RUNX2: variants seen among roughly 807,000 people sequenced by gnomAD.
The protein encoded by RUNX2 is runt-related transcription factor 2.
In RUNX2, 10 loss-of-function variants were observed where a neutral mutation model predicts 51.7. That is an observed-to-expected ratio of 0.19 (90% CI 0.12 to 0.33). The LOEUF (loss-of-function observed/expected upper bound fraction) is 0.33. Ranked by LOEUF, RUNX2 falls within the 10% of genes least tolerant of loss-of-function variation. The pLI is 1.00. For missense variants in RUNX2, 562 were observed against 691.3 expected (o/e 0.81, Z 2.10); for synonymous variants, 276 against 273.6 (o/e 1.01, Z -0.09).
intron 2 of RUNX2, among the ~76,000 whole-genome samples, chr6:45,364,415 A>T (rs1356450598): frequency 6.6e-6 from 1 of 152,200 alleles, no homozygotes; most frequent in African/African-American, 2.4e-5. Context: ...AACCTTCAAC[A>T]GATATATTCT....
At chr6:45,446,281 CA>C (rs2150377218) in intron 5 of RUNX2, among the ~76,000 whole-genome samples, 2 of 152,296 alleles carry the variant, frequency 1.3e-5, no homozygotes, top group African/African-American at 4.8e-5. Flanking sequence ...GCACAGTTTC[CA>C]CATGCATATG....
At chr6:45,536,534 G>A (rs1802039957) in intron 7 of RUNX2, among the ~76,000 whole-genome samples, 1 of 152,200 alleles carries the variant, frequency 6.6e-6, no homozygotes, top group African/African-American at 2.4e-5. Flanking sequence ...CACACCTGGG[G>A]ACCAAGCCTT....
chr6:45,451,373 C>G (rs2820339), intron 5 of RUNX2, among the ~76,000 whole-genome samples: 93,009 of 152,074 alleles, frequency 0.61, 28,907 homozygotes, highest in East Asian at 0.79. Context: ...TAAGTAGATT[C>G]TCTTAGGACT....
chr6:45,368,600 G>T (rs1390984338), intron 2 of RUNX2, among the ~76,000 whole-genome samples: 1 of 152,082 alleles, frequency 6.6e-6, no homozygotes, highest in Non-Finnish European at 1.5e-5. Flanking sequence ...ACCTCAAATT[G>T]TTGAGAACCT....
chr6:45,539,220 TCTC>T (rs921724761), intron 7 of RUNX2, among the ~76,000 whole-genome samples: 4 of 117,704 alleles, frequency 3.4e-5, no homozygotes, highest in Non-Finnish European at 7.2e-5. Flanking sequence ...GGTTTTTTTT[TCTC>T]TCTCTCTCTC....
chr6:45,364,713 T>A (rs922520426), intron 2 of RUNX2, among the ~76,000 whole-genome samples: 2 of 152,178 alleles, frequency 1.3e-5, no homozygotes, highest in Admixed American at 6.5e-5. Context: ...ATGCTCTAAG[T>A]TTTTCCCCAA....
At chr6:45,441,707 T>C (rs1429213801) in intron 5 of RUNX2, among the ~76,000 whole-genome samples, 1 of 152,204 alleles carries the variant, frequency 6.6e-6, no homozygotes, top group East Asian at 1.9e-4. Context: ...TGCTCATTAG[T>C]AAATGACACT....
At chr6:45,508,735 C>A (rs1415141586) in intron 6 of RUNX2, among the ~76,000 whole-genome samples, 4 of 152,170 alleles carry the variant, frequency 2.6e-5, no homozygotes, top group Non-Finnish European at 4.4e-5. Flanking sequence ...GCAAAACTAT[C>A]CTTTAACAGA....
intron 5 of RUNX2, 134 bp from the exon 6 acceptor site, chr6:45,491,807 G>A (rs10440843): frequency 1.5e-4 from 143 of 935,966 alleles, no homozygotes; most frequent in Middle Eastern, 9.9e-4. Context: ...GCATTATGTA[G>A]ACAAGTCATT....
chr6:45,476,179 T>A (rs904139649), intron 5 of RUNX2, among the ~76,000 whole-genome samples: 3 of 152,238 alleles, frequency 2.0e-5, no homozygotes, highest in Non-Finnish European at 4.4e-5. Flanking sequence ...GTTTGTTACT[T>A]TCTGATAGAC....
intron 5 of RUNX2, among the ~76,000 whole-genome samples, chr6:45,488,058 T>C (rs887695510): frequency 6.6e-6 from 1 of 152,034 alleles, no homozygotes; most frequent in Non-Finnish European, 1.5e-5. Flanking sequence ...TATGGAAAGC[T>C]CTTGAGATGG....
rs906730253 is a variant in RUNX2, at chr6:45,403,513, G to A, written c.59-19080G>A. Among the ~76,000 whole-genome samples, 5 of 152,122 alleles carry A rather than the reference G, an allele frequency of 3.3e-5. No individual in the cohort carries two copies. The East Asian group carries it at 5.8e-4, about 18-fold the overall frequency. On this transcript the variant is annotated intron_variant, in intron 2 of 8. Transcript: ENST00000647337. The stretch of plus-strand genomic sequence containing the variant: ...ATCTCAAAGTGCTGGGATTACAGGC[G>A]TGAGCCACTGCGCCTGGCCTGACTT...
chr6:45,524,663 C>A (rs781673410), intron 7 of RUNX2, among the ~76,000 whole-genome samples: 9 of 152,132 alleles, frequency 5.9e-5, no homozygotes, highest in East Asian at 1.9e-4. Context: ...TTAAGAAGAA[C>A]CTTTTCTAAA....
chr6:45,384,073 G>A (rs760423095), intron 2 of RUNX2, among the ~76,000 whole-genome samples: 3 of 152,114 alleles, frequency 2.0e-5, no homozygotes, highest in Non-Finnish European at 4.4e-5. Context: ...AAAAATAAAG[G>A]CTTTGGTGTC....
chr6:45,410,735 GA>G (rs954226866), intron 2 of RUNX2, among the ~76,000 whole-genome samples: 13 of 151,882 alleles, frequency 8.6e-5, no homozygotes, highest in African/African-American at 3.1e-4. Flanking sequence ...AACCAAGACG[GA>G]AAAAAAATAA....
At chr6:45,457,119 G>GA (rs1024794462) in intron 5 of RUNX2, among the ~76,000 whole-genome samples, 4 of 151,314 alleles carry the variant, frequency 2.6e-5, no homozygotes, top group Admixed American at 6.6e-5. Flanking sequence ...TACATGTGAA[G>GA]AAAAAAAAAT....
intron 5 of RUNX2, among the ~76,000 whole-genome samples, chr6:45,470,136 T>C (rs1799755161): frequency 6.6e-6 from 1 of 152,202 alleles, no homozygotes; most frequent in Non-Finnish European, 1.5e-5. Context: ...AGTCGAACCA[T>C]AGGTGCTAAT....
intron 2 of RUNX2, among the ~76,000 whole-genome samples, chr6:45,397,947 C>T (rs1005442937): frequency 6.6e-6 from 1 of 152,146 alleles, no homozygotes; most frequent in Non-Finnish European, 1.5e-5. Flanking sequence ...CTGCGTGTGA[C>T]ATTGAACCTA....
At chr6:45,361,137 A>G (rs1054654485) in intron 2 of RUNX2, among the ~76,000 whole-genome samples, 1 of 152,188 alleles carries the variant, frequency 6.6e-6, no homozygotes, top group Non-Finnish European at 1.5e-5. Context: ...AAATGCAAAA[A>G]TTGCAGAACT....
Sources: gnomAD v4.1 joint callset for allele counts (sites outside exome capture counted in the v4.1 genomes callset) on GRCh38, gnomAD v4.1.1 for gene constraint, MANE v1.5 for transcripts, NCBI Gene and HGNC (gene_info 2026-07-23, HGNC 2026-07-21) for gene names.